The following ST8SIA2 variants were observed in gnomAD, a reference collection of about 807,000 sequenced individuals.
ST8SIA2 encodes ST8 alpha-N-acetyl-neuraminide alpha-2,8-sialyltransferase 2, also known as alpha-2,8-sialyltransferase 8B.
A neutral mutation model predicts 37.6 loss-of-function variants in ST8SIA2; 22 were observed. The observed-to-expected ratio is 0.58, with a 90% CI of 0.42 to 0.83. ST8SIA2 has a LOEUF of 0.83. ST8SIA2 is among the 40% of genes least tolerant of loss of function. The pLI, the probability that ST8SIA2 is intolerant of heterozygous loss-of-function variation, is 0.00. For synonymous variants in ST8SIA2, 205 were observed against 201.2 expected (o/e 1.02, Z -0.16); for missense variants, 382 against 484.7 (o/e 0.79, Z 1.99).
At chr15:92,398,234 T>C (rs1455783761) in intron 1 of ST8SIA2, among the ~76,000 whole-genome samples, 1 of 152,210 alleles carries the variant, frequency 6.6e-6, no homozygotes, top group Non-Finnish European at 1.5e-5. Flanking sequence ...TTCCTTTTTA[T>C]CAGCTAGGGT....
At chr15:92,459,638 C>T (rs565089715) in intron 5 of ST8SIA2, among the ~76,000 whole-genome samples, 2 of 152,278 alleles carry the variant, frequency 1.3e-5, no homozygotes, top group South Asian at 4.1e-4. Flanking sequence ...TCGCTCTTGT[C>T]ACCCAGACTG....
intron 1 of ST8SIA2, among the ~76,000 whole-genome samples, chr15:92,399,538 C>T (rs1816933080): frequency 6.6e-6 from 1 of 152,178 alleles, no homozygotes; most frequent in Admixed American, 6.5e-5. Flanking sequence ...AAGAAAATGA[C>T]CTTGAGCAGT....
rs761789500 is a variant in ST8SIA2 at position 92,444,631 on chromosome 15, G to A, written c.549-5G>A. 6 of 1,614,194 alleles carry A rather than the reference G, an allele frequency of 3.7e-6. No homozygotes were observed. The highest frequency in any genetic ancestry group is 2.2e-5 in the East Asian group (1 of 44,886). The stretch of plus-strand genomic sequence containing the variant: ...AAAGGATCATGTTGCCTTTTTCTCC[G>A]GCAGGTGCAACCTGGCCCCAGTACA... On this transcript the variant is annotated splice_polypyrimidine_tract_variant and splice_region_variant and intron_variant, in intron 4 of 5. Transcript: ENST00000268164.
At chr15:92,433,353 A>G (rs962942592) in intron 2 of ST8SIA2, among the ~76,000 whole-genome samples, 1 of 152,242 alleles carries the variant, frequency 6.6e-6, no homozygotes, top group Non-Finnish European at 1.5e-5. Flanking sequence ...TGACCCACAT[A>G]TATCTGTGTG....
Position 92,434,334 on chromosome 15 carries a change from G to C in ST8SIA2, c.249G>C (p.Ser83=). The C allele has an allele frequency of 1.2e-6, 2 of 1,614,090 alleles. No homozygotes were observed. The part of the protein sequence containing the change: ...ESIKHNIQPA[S]SKWRHNQTLS... ...TCAAGCACAACATCCAGCCAGCCTC[G>C]TCCAAATGGAGACATAACCAGACGC... The change falls in exon 3 of 6, where the codon TCG becomes TCC. Residue 83 remains serine, a synonymous_variant. Coordinates refer to ENST00000268164, the MANE Select transcript of ST8SIA2 (RefSeq NM_006011.4).
intron 1 of ST8SIA2, among the ~76,000 whole-genome samples, chr15:92,409,669 C>T (rs1052350041): frequency 6.6e-6 from 1 of 152,204 alleles, no homozygotes; most frequent in Non-Finnish European, 1.5e-5. Context: ...CCAGCACAGA[C>T]TGTGTGCCAC....
chr15:92,431,122 G>A (rs182096491), intron 2 of ST8SIA2, among the ~76,000 whole-genome samples: 3 of 152,248 alleles, frequency 2.0e-5, no homozygotes, highest in South Asian at 2.1e-4. Flanking sequence ...TGTGAATATG[G>A]CAGAAAGAAA....
intron 2 of ST8SIA2, 136 bp downstream of exon 2, chr15:92,430,247 T>TGATTAGGGA: frequency 4.5e-6 from 4 of 887,592 alleles, no homozygotes; most frequent in Non-Finnish European, 7.2e-6. Flanking sequence ...TGCATTTCCC[T>TGATTAGGGA]AATCACTTTT....
chr15:92,447,962 C>T (rs1025118937), intron 5 of ST8SIA2, among the ~76,000 whole-genome samples: 1 of 152,082 alleles, frequency 6.6e-6, no homozygotes, highest in African/African-American at 2.4e-5. Context: ...GTTCTGGAGT[C>T]CTTGGGGATA....
In ST8SIA2 at chr15:92,455,374, T is replaced by C. The variant is rs147815548; in HGVS notation, c.843-8726T>C. Among the ~76,000 whole-genome samples the C allele has an allele frequency of 1.4e-3, 219 of 152,302 alleles. 2 individuals carry two copies. The highest frequency in any genetic ancestry group is 5.1e-3 in the African/African-American group (213 of 41,560). On this transcript the variant is annotated intron_variant, in intron 5 of 5. Transcript: ENST00000268164. ...GATTCTCTCTCTCTCCAATTTTTTT[T>C]TTAAATAGCAATGCAGATAGTGAAA...
intron 1 of ST8SIA2, among the ~76,000 whole-genome samples, chr15:92,399,386 C>A (rs918387948): frequency 1.3e-5 from 2 of 152,150 alleles, no homozygotes; most frequent in Non-Finnish European, 2.9e-5. Flanking sequence ...AACACCAGGC[C>A]CTGTCTGGGA....
At chr15:92,423,458 G>A (rs948865885) in intron 1 of ST8SIA2, among the ~76,000 whole-genome samples, 2 of 152,244 alleles carry the variant, frequency 1.3e-5, no homozygotes, top group Non-Finnish European at 1.5e-5. Context: ...AGTCCATTTT[G>A]TTTTGCTATG....
At chr15:92,460,372 T>G (rs945331495) in intron 5 of ST8SIA2, among the ~76,000 whole-genome samples, 3 of 152,150 alleles carry the variant, frequency 2.0e-5, no homozygotes, top group African/African-American at 7.2e-5. Flanking sequence ...GTTGAGAACT[T>G]CTGCATTAGA....
intron 1 of ST8SIA2, among the ~76,000 whole-genome samples, chr15:92,418,438 G>T (rs1214322924): frequency 6.9e-6 from 1 of 145,222 alleles, no homozygotes; most frequent in African/African-American, 2.6e-5. Flanking sequence ...CTCTAGTCTG[G>T]GCGACAGGAG....
At chr15:92,412,494 CTCTGCCTGATATTCT>C (rs1434799109) in intron 1 of ST8SIA2, among the ~76,000 whole-genome samples, 3 of 152,146 alleles carry the variant, frequency 2.0e-5, no homozygotes, top group Non-Finnish European at 4.4e-5. Context: ...ATGCAGACCT[CTCTGCCTGATATTCT>C]TCCCACAGCC....
chr15:92,455,864 A>G (rs1206747797), intron 5 of ST8SIA2, among the ~76,000 whole-genome samples: 1 of 152,232 alleles, frequency 6.6e-6, no homozygotes, highest in Non-Finnish European at 1.5e-5. Context: ...ATCGATTCAT[A>G]TCCTCACCTA....
At chr15:92,439,078 A>G (rs1359272983) in intron 4 of ST8SIA2, among the ~76,000 whole-genome samples, 1 of 152,160 alleles carries the variant, frequency 6.6e-6, no homozygotes, top group Non-Finnish European at 1.5e-5. Flanking sequence ...AGATCATATC[A>G]CCTGCAAAGC....
At chr15:92,444,025 G>A (rs536061236) in intron 4 of ST8SIA2, among the ~76,000 whole-genome samples, 42 of 152,238 alleles carry the variant, frequency 2.8e-4, no homozygotes, top group Non-Finnish European at 5.9e-4. Context: ...AAGTCCACCT[G>A]ACACTCCTCC....
At position 92,444,810 on chromosome 15, in the gene ST8SIA2, T is replaced by A; in HGVS notation, c.723T>A (p.Pro241=). Residue 241 remains proline (P), a synonymous_variant, in exon 5 of 6, where the codon CCT becomes CCA. Transcript: ENST00000268164. ...HSLNGSILWI[P]AFMARGGKER... ...TCAATGGCAGCATCCTGTGGATCCC[T>A]GCCTTCATGGCCCGGGGCGGCAAGG... 3.1e-6 allele frequency: 5 copies of A among 1,614,144 alleles called. No homozygotes were observed. Among genetic ancestry groups the A allele is most frequent in the Non-Finnish European group, 4.2e-6 (5 of 1,180,040 alleles).
Sources: allele counts gnomAD v4.1 joint callset (sites outside exome capture counted in the v4.1 genomes callset), GRCh38; gene constraint gnomAD v4.1.1; transcripts MANE v1.5; gene names NCBI Gene and HGNC (gene_info 2026-07-23, HGNC 2026-07-21).